Variants in ALDH1L1 observed in about 807,000 individuals in gnomAD.
The protein encoded by ALDH1L1 is aldehyde dehydrogenase 1 family member L1, also known as cytosolic 10-formyltetrahydrofolate dehydrogenase.
In ALDH1L1, 68 loss-of-function variants were observed where a neutral mutation model predicts 101.1. That is an observed-to-expected ratio of 0.67 (90% CI 0.55 to 0.82). The LOEUF is 0.82. ALDH1L1 is among the 40% of genes least tolerant of loss of function. The pLI is 0.00. For synonymous variants in ALDH1L1, 486 were observed against 470.8 expected, an observed-to-expected ratio of 1.03 and a Z score of -0.42; for missense variants, 1,087 against 1,172.7, an observed-to-expected ratio of 0.93 and a Z score of 1.07.
chr3:126,170,659 C>A (rs543770660), intron 1 of ALDH1L1, among the ~76,000 whole-genome samples: 1 of 152,130 alleles, frequency 6.6e-6, no homozygotes, highest in Non-Finnish European at 1.5e-5. Flanking sequence ...CAGGAAGTAG[C>A]TAGAAAGAAC....
At chr3:126,155,279 G>T (rs1220554348) in intron 5 of ALDH1L1, 123 bp downstream of exon 5, 5 of 816,108 alleles carry the variant, frequency 6.1e-6, no homozygotes, top group Non-Finnish European at 9.3e-6. Context: ...GCTGCCCTGT[G>T]TTCTGGCCTC....
At chr3:126,123,108 A>G (rs140400356) in intron 16 of ALDH1L1, among the ~76,000 whole-genome samples, 404 of 152,358 alleles carry the variant, frequency 2.7e-3, no homozygotes, top group African/African-American at 9.2e-3. Flanking sequence ...AAAAATATAT[A>G]TCATGTCAAC....
intron 10 of ALDH1L1, 23 bp downstream of exon 10, chr3:126,137,790 T>A: frequency 1.2e-6 from 2 of 1,610,752 alleles, no homozygotes; most frequent in Non-Finnish European, 1.7e-6. Flanking sequence ...CAGGGCCTGC[T>A]GCAGGGAGGG....
At chr3:126,117,531 C>T (rs967586974) in intron 17 of ALDH1L1, among the ~76,000 whole-genome samples, 1 of 151,722 alleles carries the variant, frequency 6.6e-6, no homozygotes, top group African/African-American at 2.4e-5. Flanking sequence ...TGGTGCATGC[C>T]TGTAGTCCCA....
Position 126,118,093 on chromosome 3 carries a change from G to T in ALDH1L1, c.1894C>A (p.Leu632Met). ...VVNVLPGSGSLVGQRLSDHPD... is the reference protein window; with the variant it reads ...VVNVLPGSGSMVGQRLSDHPD... ...TGGTCTGAGAGTCTCTGGCCGACCA[G>T]GGAGCCTGTGGGCGGGAGGGAGGGG... The change falls in exon 17 of 23, where the codon CTG (leucine) becomes ATG (methionine). Residue 632 changes from leucine (L) to methionine (M), a missense_variant. By Grantham distance (15) the Leu-to-Met change is conservative (BLOSUM62 2). This residue lies in a region of ALDH1L1 where 442 missense variants were observed against 535.7 expected (regional missense o/e 0.83). Coordinates refer to ENST00000393434, the MANE Select transcript of ALDH1L1 (RefSeq NM_012190.4). 1 of 1,613,400 alleles carries T rather than the reference G, an allele frequency of 6.2e-7. No individual in the cohort carries two copies. The highest frequency in any genetic ancestry group is 8.5e-7 in the Non-Finnish European group (1 of 1,179,820).
At position 126,163,420 on chromosome 3, in the gene ALDH1L1, T is replaced by G. The variant is rs1236586478; in HGVS notation, c.-23-2418A>C. 3.3e-5 allele frequency among the ~76,000 whole-genome samples: 5 copies of G among 152,326 alleles called. No homozygotes were observed. In the East Asian group the frequency reaches 5.8e-4, roughly 18 times the overall value. On this transcript the variant is annotated intron_variant, in intron 1 of 22. Coordinates refer to ENST00000393434, the MANE Select transcript of ALDH1L1 (RefSeq NM_012190.4). ...TAATTCTTTCTTTCTAATCCTGAAG[T>G]CTTTCATTTCATTTACTTTCTTATA...
intron 16 of ALDH1L1, among the ~76,000 whole-genome samples, chr3:126,120,220 G>A (rs1179210713): frequency 6.6e-6 from 1 of 152,230 alleles, no homozygotes; most frequent in African/African-American, 2.4e-5. Flanking sequence ...AAACTTGGAA[G>A]TTACCAAGAC....
rs762372601 is a variant in ALDH1L1, at chr3:126,110,152, A to G, written c.2182-43T>C. 3 of 1,607,248 alleles carry G rather than the reference A, an allele frequency of 1.9e-6. No homozygotes were observed. The South Asian group carries it at 3.3e-5, about 18-fold the overall frequency. On this transcript the variant is annotated intron_variant, in intron 19 of 22. Transcript: ENST00000393434. ...AGTCAGGTGTGGCTTGTGCTGCCAC[A>G]GTTTCTGACAATGATCCTCACCTGA...
intron 1 of ALDH1L1, among the ~76,000 whole-genome samples, chr3:126,189,471 T>G (rs2081539938): frequency 6.6e-6 from 1 of 152,172 alleles, no homozygotes; most frequent in Non-Finnish European, 1.5e-5. Flanking sequence ...AGAGGCCGTT[T>G]GAGCTGTGAG....
At chr3:126,192,394 C>T (rs889926677) in intron 1 of ALDH1L1, among the ~76,000 whole-genome samples, 3 of 152,150 alleles carry the variant, frequency 2.0e-5, no homozygotes, top group African/African-American at 7.2e-5. Flanking sequence ...TTTATAGGTA[C>T]CATACTTTTA....
At chr3:126,186,523 G>GAC (rs1559985087), upstream of ALDH1L1, among the ~76,000 whole-genome samples, 3 of 151,902 alleles carry the variant, frequency 2.0e-5, no homozygotes, top group Non-Finnish European at 2.9e-5. Flanking sequence ...CTGACCCTGA[G>GAC]CCTGAGGGCT....
chr3:126,176,351 G>T (rs994762499), intron 1 of ALDH1L1, among the ~76,000 whole-genome samples: 1 of 152,136 alleles, frequency 6.6e-6, no homozygotes, highest in East Asian at 1.9e-4. Flanking sequence ...TATTTGGAGA[G>T]ACAAAAGACC....
chr3:126,177,065 T>C (rs2081375755), intron 1 of ALDH1L1, among the ~76,000 whole-genome samples: 4 of 152,234 alleles, frequency 2.6e-5, no homozygotes, highest in Admixed American at 2.6e-4. Context: ...CAAATGCTGA[T>C]GAGGCTGTGG....
intron 17 of ALDH1L1, chr3:126,115,568 GTTTT>G (rs1320950065): frequency 7.7e-6 from 1 of 130,498 alleles, no homozygotes; most frequent in African/African-American, 3.0e-5. Context: ...TTGTTTGTTT[GTTTT>G]GTTTTGTTTT....
intron 16 of ALDH1L1, among the ~76,000 whole-genome samples, chr3:126,123,802 T>C (rs1160320657): frequency 1.3e-5 from 2 of 151,832 alleles, no homozygotes; most frequent in African/African-American, 4.8e-5. Flanking sequence ...TTTTCACCAA[T>C]TTAATCAACT....
Position 126,135,527 on chromosome 3 carries a change from G to A in ALDH1L1, c.1472+8C>T. On this transcript the variant is annotated splice_region_variant and intron_variant, in intron 12 of 22. Transcript: ENST00000393434. ...GCAGTGGCTGGCAGGTACATGTTGG[G>A]CTCCCACCTGTACATCAGCCGGCCC... The A allele has an allele frequency of 6.2e-7, 1 of 1,604,650 alleles. No individual in the cohort carries two copies.
chr3:126,136,911 C>A, intron 10 of ALDH1L1, 28 bp from the exon 11 acceptor site: 3 of 1,612,888 alleles, frequency 1.9e-6, no homozygotes, highest in Non-Finnish European at 2.5e-6. Flanking sequence ...GTGACAAGCA[C>A]AAACCCATGC....
At position 126,157,512 on chromosome 3, in the gene ALDH1L1, G is replaced by C; in HGVS notation, c.363-4C>G. ...CTTATCTCCGTGAATGAGGGTCCTAGGAAGCAGAAGAGTGAAACCTGGAGT... is the reference window on the plus strand; with the variant it reads ...CTTATCTCCGTGAATGAGGGTCCTACGAAGCAGAAGAGTGAAACCTGGAGT... On this transcript the variant is annotated splice_polypyrimidine_tract_variant and splice_region_variant and intron_variant, in intron 3 of 22. Transcript: ENST00000393434. 1 of 1,612,988 alleles carries C rather than the reference G, an allele frequency of 6.2e-7. No homozygotes were observed. The highest frequency in any genetic ancestry group is 8.5e-7 in the Non-Finnish European group (1 of 1,179,430).
chr3:126,153,830 C>G (rs2080854605), intron 6 of ALDH1L1, among the ~76,000 whole-genome samples: 1 of 152,224 alleles, frequency 6.6e-6, no homozygotes, highest in Admixed American at 6.5e-5. Context: ...GACCCTTCTC[C>G]TTGGCCCATG....
Sources: gnomAD v4.1 joint callset for allele counts (sites outside exome capture counted in the v4.1 genomes callset) on GRCh38, gnomAD v4.1.1 for gene constraint, gnomAD v4.1.1 regional missense constraint, MANE v1.5 for transcripts, NCBI Gene and HGNC (gene_info 2026-07-23, HGNC 2026-07-21) for gene names.